The following TRAPPC9 variants were observed in gnomAD, a reference collection of about 807,000 sequenced individuals.
TRAPPC9 encodes trafficking protein particle complex subunit 9, also known as IKK2 binding protein.
TRAPPC9 carries 83 observed loss-of-function variants against 124.0 expected under a neutral mutation model. That is an observed-to-expected ratio of 0.67 (90% confidence interval 0.56 to 0.80). The LOEUF (loss-of-function observed/expected upper bound fraction) is 0.80, where lower values mean the gene tolerates loss of function less well. TRAPPC9 is among the 30% of genes least tolerant of loss of function. The probability of loss-of-function intolerance (pLI) is 0.00; values close to 1 mark genes in which losing one functional copy is unlikely to be tolerated. For synonymous variants in TRAPPC9, 638 were observed against 617.5 expected (o/e 1.03, Z -0.49); for missense variants, 1,302 against 1,508.3 (o/e 0.86, Z 2.27).
At chr8:140,298,346 G>C (rs1431982517) in intron 11 of TRAPPC9, among the ~76,000 whole-genome samples, 1 of 152,134 alleles carries the variant, frequency 6.6e-6, no homozygotes, top group African/African-American at 2.4e-5. Context: ...TAATATATGA[G>C]AAATGCTCAT....
intron 16 of TRAPPC9, among the ~76,000 whole-genome samples, chr8:140,239,260 A>G (rs2131419094): frequency 6.6e-6 from 1 of 152,216 alleles, no homozygotes; most frequent in South Asian, 2.1e-4. Flanking sequence ...CTGGGGGTGG[A>G]GGGGCGCTGA....
chr8:139,979,874 C>T (rs7838442), intron 19 of TRAPPC9, among the ~76,000 whole-genome samples: 94,964 of 151,566 alleles, frequency 0.63, 29,907 homozygotes, highest in African/African-American at 0.71. Context: ...GGGCAAGTGA[C>T]GCCCTGACTC....
chr8:140,066,274 G>A (rs772123364), intron 17 of TRAPPC9, among the ~76,000 whole-genome samples: 2 of 152,178 alleles, frequency 1.3e-5, no homozygotes, highest in African/African-American at 2.4e-5. Context: ...ATGAACAGGA[G>A]GGAGACATGG....
intron 9 of TRAPPC9, among the ~76,000 whole-genome samples, chr8:140,316,111 C>A (rs537490108): frequency 6.0e-4 from 91 of 152,144 alleles, no homozygotes; most frequent in African/African-American, 2.1e-3. Context: ...CTGTTGAATA[C>A]AAGTTTCTGA....
intron 21 of TRAPPC9, among the ~76,000 whole-genome samples, chr8:139,828,671 A>G (rs1825788350): frequency 6.6e-6 from 1 of 152,178 alleles, no homozygotes; most frequent in African/African-American, 2.4e-5. Context: ...CCAGGCCTAC[A>G]AGGTCATCGA....
intron 10 of TRAPPC9, among the ~76,000 whole-genome samples, chr8:140,304,312 C>T (rs981296794): frequency 2.6e-5 from 4 of 152,242 alleles, no homozygotes; most frequent in Admixed American, 2.0e-4. Flanking sequence ...CCAGGCCGGT[C>T]TCGAACTCCT....
chr8:140,046,826 TGG>T (rs1017412235), intron 17 of TRAPPC9, among the ~76,000 whole-genome samples: 2 of 152,212 alleles, frequency 1.3e-5, no homozygotes, highest in African/African-American at 4.8e-5. Context: ...AACTAAGATC[TGG>T]GTTCATATCT....
At chr8:139,887,043 C>T (rs1346956618) in intron 20 of TRAPPC9, among the ~76,000 whole-genome samples, 1 of 151,942 alleles carries the variant, frequency 6.6e-6, no homozygotes, top group Non-Finnish European at 1.5e-5. Context: ...CGGGCATATC[C>T]CCCTCATCAA....
intron 15 of TRAPPC9, among the ~76,000 whole-genome samples, chr8:140,259,926 G>A (rs1300846834): frequency 6.6e-6 from 1 of 152,200 alleles, no homozygotes; most frequent in Non-Finnish European, 1.5e-5. Flanking sequence ...TGTGAAAAAA[G>A]CGGAATACCA....
intron 16 of TRAPPC9, among the ~76,000 whole-genome samples, chr8:140,242,923 G>A (rs752226694): frequency 5.3e-5 from 8 of 152,116 alleles, no homozygotes; most frequent in South Asian, 2.1e-4. Flanking sequence ...TTTCAATGGC[G>A]GAAAAGTACA....
chr8:139,885,937 C>A lies in TRAPPC9; in HGVS notation c.2997G>T (p.Val999=). 1 of 1,573,580 alleles carries A rather than the reference C, an allele frequency of 6.4e-7. No individual in the cohort carries two copies. Among genetic ancestry groups the A allele is most frequent in the East Asian group, 2.3e-5 (1 of 43,066 alleles). ...GGACGAGCTGGTTCAGGAGTCCTTC[C>A]ACACTCGCCTCGCCACTGCGCTTCA... ...PSLKRSGEAS[V]EGLLNQLVLE... is the part of the protein sequence containing the mutation. The change falls in exon 21 of 23, where the codon GTG becomes GTT. Residue 999 remains valine (V), a synonymous_variant. Transcript: ENST00000438773.
In TRAPPC9 at chr8:139,946,358, C is replaced by T. The variant is rs560071182; in HGVS notation, c.2811-36058G>A. On this transcript the variant is annotated intron_variant, in intron 19 of 22. Transcript: ENST00000438773. ...AAAATTGCATGCACTCAATGGATTC[C>T]GTAAGAACGAGGCATGGCCAGGTGT... Among the ~76,000 whole-genome samples, 12 of 152,286 alleles carry T rather than the reference C, an allele frequency of 7.9e-5. No individual in the cohort carries two copies. The South Asian group carries it at 2.3e-3, about 29-fold the overall frequency.
chr8:140,053,066 A>T (rs1842095290), intron 17 of TRAPPC9, among the ~76,000 whole-genome samples: 1 of 152,254 alleles, frequency 6.6e-6, no homozygotes, highest in African/African-American at 2.4e-5. Flanking sequence ...TTCCTACAGA[A>T]TTCCCACAAA....
At chr8:139,897,157 C>T (rs1022030086) in intron 20 of TRAPPC9, among the ~76,000 whole-genome samples, 13 of 152,338 alleles carry the variant, frequency 8.5e-5, no homozygotes, top group African/African-American at 2.9e-4. Flanking sequence ...CAAGGAAACA[C>T]AAATTCCTCT....
intron 16 of TRAPPC9, among the ~76,000 whole-genome samples, chr8:140,228,852 C>A (rs559926753): frequency 1.3e-5 from 2 of 152,106 alleles, no homozygotes; most frequent in African/African-American, 4.8e-5. Context: ...TGTTACAGTA[C>A]AACACACTTT....
intron 20 of TRAPPC9, among the ~76,000 whole-genome samples, chr8:139,906,284 G>A (rs1017441906): frequency 1.2e-4 from 18 of 152,192 alleles, no homozygotes; most frequent in Non-Finnish European, 1.5e-4. Context: ...CCCGGCCAGT[G>A]CCCTGGGACA....
rs1300188622 is a variant in TRAPPC9, at chr8:139,767,329, T to C, written c.3056-35127A>G. Among the ~76,000 whole-genome samples, 3 of 152,276 alleles carry C rather than the reference T, an allele frequency of 2.0e-5. No individual in the cohort carries two copies. In the East Asian group the frequency reaches 5.8e-4, roughly 29 times the overall value. ...CCTGTGTTTTCTGAAGTGAGCTAAG[T>C]TCATCAACACGGGTAGAAAATGCAA... On this transcript the variant is annotated intron_variant, in intron 21 of 22. Transcript: ENST00000438773.
chr8:140,190,844 A>C (rs566522203), intron 17 of TRAPPC9, among the ~76,000 whole-genome samples: 2 of 152,346 alleles, frequency 1.3e-5, no homozygotes, highest in South Asian at 4.1e-4. Context: ...CAAATATATA[A>C]GAACAGAGAC....
chr8:140,001,688 T>A (rs1415752759), intron 18 of TRAPPC9, among the ~76,000 whole-genome samples: 1 of 152,178 alleles, frequency 6.6e-6, no homozygotes, highest in Admixed American at 6.5e-5. Flanking sequence ...TCTCCTCACA[T>A]AAATGTGACA....
Sources: gnomAD v4.1 joint callset for allele counts (sites outside exome capture counted in the v4.1 genomes callset) on GRCh38, gnomAD v4.1.1 for gene constraint, MANE v1.5 for transcripts, NCBI Gene and HGNC (gene_info 2026-07-23, HGNC 2026-07-21) for gene names.